Variants in PDGFC observed in about 807,000 individuals in gnomAD.
PDGFC encodes platelet-derived growth factor C.
PDGFC carries 12 observed loss-of-function variants against 35.5 expected under a neutral mutation model. The observed-to-expected ratio is 0.34, with a 90% confidence interval of 0.22 to 0.55. The LOEUF is 0.55. Ranked by LOEUF, PDGFC falls within the 20% of genes least tolerant of loss-of-function variation. The pLI, the probability that PDGFC is intolerant of heterozygous loss-of-function variation, is 0.91. For missense variants in PDGFC, 322 were observed against 412.4 expected, an observed-to-expected ratio of 0.78 and a Z score of 1.90; for synonymous variants, 159 against 148.8, an observed-to-expected ratio of 1.07 and a Z score of -0.50.
At chr4:156,941,307 T>G (rs1215319580) in intron 1 of PDGFC, among the ~76,000 whole-genome samples, 1 of 152,152 alleles carries the variant, frequency 6.6e-6, no homozygotes, top group African/African-American at 2.4e-5. Context: ...CCCATGCAAT[T>G]AAGCAATTTA....
intron 1 of PDGFC, among the ~76,000 whole-genome samples, chr4:156,953,614 C>G (rs879670308): frequency 6.6e-6 from 1 of 151,728 alleles, no homozygotes; most frequent in Non-Finnish European, 1.5e-5. Context: ...AAAATTTTAC[C>G]GGACGATAAA....
intron 5 of PDGFC, among the ~76,000 whole-genome samples, chr4:156,766,922 T>C (rs138925345): frequency 6.6e-6 from 1 of 152,280 alleles, no homozygotes; most frequent in East Asian, 1.9e-4. Flanking sequence ...AAAATCATTT[T>C]ATTTATTAGT....
intron 1 of PDGFC, among the ~76,000 whole-genome samples, chr4:156,885,154 C>CAT (rs528793173): frequency 2.8e-5 from 3 of 107,854 alleles, no homozygotes; most frequent in African/African-American, 1.5e-4. Context: ...TATGTGCATA[C>CAT]ATACACACAC....
intron 1 of PDGFC, among the ~76,000 whole-genome samples, chr4:156,944,555 G>A (rs533995947): frequency 6.6e-6 from 1 of 152,202 alleles, no homozygotes; most frequent in African/African-American, 2.4e-5. Context: ...CTGTTAGCAC[G>A]CTAGGGCAAT....
chr4:156,834,005 T>C (rs1242599592), intron 2 of PDGFC, among the ~76,000 whole-genome samples: 1 of 152,178 alleles, frequency 6.6e-6, no homozygotes, highest in Non-Finnish European at 1.5e-5. Flanking sequence ...GCAGTGCAAA[T>C]GGCCTGAAAC....
intron 1 of PDGFC, among the ~76,000 whole-genome samples, chr4:156,858,325 A>G (rs1367531846): frequency 6.6e-6 from 1 of 152,094 alleles, no homozygotes; most frequent in East Asian, 1.9e-4. Flanking sequence ...TTTAAAATGA[A>G]GGCTCAATTA....
chr4:156,891,890 T>C (rs1730521224), intron 1 of PDGFC, among the ~76,000 whole-genome samples: 1 of 152,206 alleles, frequency 6.6e-6, no homozygotes, highest in East Asian at 1.9e-4. Flanking sequence ...GGTGTCAATG[T>C]ACATTAAAGA....
At chr4:156,911,186 G>A (rs1731030704) in intron 1 of PDGFC, among the ~76,000 whole-genome samples, 1 of 152,068 alleles carries the variant, frequency 6.6e-6, no homozygotes. Flanking sequence ...ATGTTAATGA[G>A]TGACATTCAA....
At chr4:156,844,391 C>G (rs189846997) in intron 2 of PDGFC, among the ~76,000 whole-genome samples, 2 of 152,162 alleles carry the variant, frequency 1.3e-5, no homozygotes, top group Non-Finnish European at 2.9e-5. Flanking sequence ...GAATGCAAGA[C>G]AGGAAACTGA....
At chr4:156,893,124 T>A (rs1730552983) in intron 1 of PDGFC, among the ~76,000 whole-genome samples, 1 of 152,166 alleles carries the variant, frequency 6.6e-6, no homozygotes, top group African/African-American at 2.4e-5. Context: ...ACAGTATTTG[T>A]CATAATTCTT....
intron 2 of PDGFC, among the ~76,000 whole-genome samples, chr4:156,818,843 C>T (rs1284795166): frequency 1.3e-5 from 2 of 152,162 alleles, no homozygotes; most frequent in Non-Finnish European, 2.9e-5. Flanking sequence ...GACAGTGACT[C>T]TTTCACTTGA....
At chr4:156,948,852 A>C (rs1025906420) in intron 1 of PDGFC, among the ~76,000 whole-genome samples, 1 of 151,844 alleles carries the variant, frequency 6.6e-6, no homozygotes. Flanking sequence ...GAGTGTGAGC[A>C]TTTCTCTGTG....
chr4:156,831,502 G>A (rs1273657986), intron 2 of PDGFC, among the ~76,000 whole-genome samples: 1 of 140,830 alleles, frequency 7.1e-6, no homozygotes, highest in African/African-American at 2.8e-5. Context: ...GGAGTGCAGT[G>A]CCATGATCTC....
chr4:156,871,407 T>G (rs1160914356), intron 1 of PDGFC, among the ~76,000 whole-genome samples: 2 of 152,152 alleles, frequency 1.3e-5, no homozygotes, highest in Non-Finnish European at 2.9e-5. Flanking sequence ...TCTGAGATTT[T>G]GATTTCCAAA....
At chr4:156,822,581 A>G (rs2110982812) in intron 2 of PDGFC, among the ~76,000 whole-genome samples, 1 of 152,212 alleles carries the variant, frequency 6.6e-6, no homozygotes, top group East Asian at 1.9e-4. Context: ...ATTATGAACC[A>G]GAAACTTCAT....
At chr4:156,851,555 G>C (rs192280830) in intron 1 of PDGFC, among the ~76,000 whole-genome samples, 212 of 152,164 alleles carry the variant, frequency 1.4e-3, no homozygotes, top group Non-Finnish European at 1.5e-3. Context: ...TTAATAATGA[G>C]ACGAAACCCA....
chr4:156,846,411 T>C (rs1404854066), intron 2 of PDGFC, among the ~76,000 whole-genome samples: 1 of 151,692 alleles, frequency 6.6e-6, no homozygotes, highest in Non-Finnish European at 1.5e-5. Flanking sequence ...GATCTAATTA[T>C]GAAGAAATAT....
chr4:156,892,747 G>A (rs1730543373), intron 1 of PDGFC, among the ~76,000 whole-genome samples: 1 of 152,174 alleles, frequency 6.6e-6, no homozygotes, highest in African/African-American at 2.4e-5. Context: ...TTTCTCTACA[G>A]CTGATGACAT....
chr4:156,923,008 TTATA>T (rs1731323635), intron 1 of PDGFC, among the ~76,000 whole-genome samples: 1 of 152,168 alleles, frequency 6.6e-6, no homozygotes, highest in South Asian at 2.1e-4. Context: ...CTTGCCCACG[TTATA>T]TAGTCTCTAC....
Sources: allele counts gnomAD v4.1 joint callset (sites outside exome capture counted in the v4.1 genomes callset), GRCh38; gene constraint gnomAD v4.1.1; transcripts MANE v1.5; gene names NCBI Gene and HGNC (gene_info 2026-07-23, HGNC 2026-07-21).